ZNF821: variants seen among roughly 807,000 people sequenced by gnomAD.
The protein encoded by ZNF821 is zinc finger protein 821.
In ZNF821, 16 loss-of-function variants were observed where a neutral mutation model predicts 44.3. The observed-to-expected ratio is 0.36, with a 90% CI of 0.24 to 0.55. The LOEUF (loss-of-function observed/expected upper bound fraction) is 0.55, where lower values mean the gene tolerates loss of function less well. ZNF821 is among the 20% of genes least tolerant of loss of function. The probability of loss-of-function intolerance (pLI) is 0.86; values close to 1 mark genes in which losing one functional copy is unlikely to be tolerated. For missense variants in ZNF821, 436 were observed against 547.6 expected (o/e 0.80, Z 2.03); for synonymous variants, 204 against 197.6 (o/e 1.03, Z -0.27).
chr16:71,885,702 T>TA (rs2036825365), upstream of ZNF821, among the ~76,000 whole-genome samples: 3 of 152,242 alleles, frequency 2.0e-5, no homozygotes, highest in Non-Finnish European at 2.9e-5. Flanking sequence ...TGAGGGATCT[T>TA]GGTCCTTCAC....
upstream of ZNF821, among the ~76,000 whole-genome samples, chr16:71,889,391 C>T (rs1184640822): frequency 2.0e-5 from 3 of 151,850 alleles, no homozygotes; most frequent in African/African-American, 2.4e-5. Flanking sequence ...TGACAATAGC[C>T]GGGTGCGGTG....
intron 4 of ZNF821, among the ~76,000 whole-genome samples, chr16:71,867,248 C>T (rs1200387305): frequency 2.0e-5 from 3 of 152,130 alleles, no homozygotes; most frequent in African/African-American, 7.2e-5. Context: ...TACATAGATC[C>T]TAGGAGACAG....
chr16:71,888,249 A>G (rs1567453649), upstream of ZNF821, among the ~76,000 whole-genome samples: 4 of 152,164 alleles, frequency 2.6e-5, no homozygotes, highest in African/African-American at 9.7e-5. Context: ...GTCACGGCAC[A>G]TAGTGTCCTT....
chr16:71,889,677 A>G (rs1240752032), upstream of ZNF821, among the ~76,000 whole-genome samples: 1 of 152,116 alleles, frequency 6.6e-6, no homozygotes, highest in African/African-American at 2.4e-5. Context: ...CTGTCTCAAA[A>G]AACAAAACAA....
intron 4 of ZNF821, among the ~76,000 whole-genome samples, chr16:71,866,418 TTG>T (rs2034552543): frequency 6.6e-6 from 1 of 152,146 alleles, no homozygotes. Flanking sequence ...GAGCTATGGT[TTG>T]TGTGTCTTAT....
At chr16:71,882,030 G>C (rs1163157419) in intron 2 of ZNF821, 1 of 152,216 alleles carries the variant, frequency 6.6e-6, no homozygotes, top group African/African-American at 2.4e-5. Context: ...AGCACTTTGG[G>C]AGGCTGAGGC....
intron 1 of ZNF821, chr16:71,894,669 G>C: frequency 1.8e-6 from 1 of 551,032 alleles, no homozygotes; most frequent in Non-Finnish European, 3.2e-6. Context: ...GAGACCACAA[G>C]TGCTCACTGC....
rs1007629793 is a variant in ZNF821, at chr16:71,884,089, G to A, written c.-322C>T. 1 of 152,078 alleles carries A rather than the reference G, an allele frequency of 6.6e-6. No homozygotes were observed. The highest frequency in any genetic ancestry group is 2.4e-5 in the African/African-American group (1 of 41,398). 9.4% of individuals were successfully genotyped at this position (152,078 alleles called of 1,614,324 possible). ...CGAGCCGGTGGCGGGGAGCCGAGGGGCGGCGCTGCAGACGGACAAAGCCAA... is the reference window on the plus strand; with the variant it reads ...CGAGCCGGTGGCGGGGAGCCGAGGGACGGCGCTGCAGACGGACAAAGCCAA... On this transcript the variant is annotated 5_prime_UTR_variant, in exon 1 of 8. Coordinates refer to ENST00000425432, the MANE Select transcript of ZNF821 (RefSeq NM_001201552.2).
At chr16:71,885,633 C>T (rs1325765885), upstream of ZNF821, among the ~76,000 whole-genome samples, 3 of 152,158 alleles carry the variant, frequency 2.0e-5, no homozygotes, top group Non-Finnish European at 2.9e-5. Context: ...TCCCCTAAAT[C>T]TTTTATGAGA....
chr16:71,871,173 T>A (rs2035157133), intron 3 of ZNF821, among the ~76,000 whole-genome samples: 1 of 152,228 alleles, frequency 6.6e-6, no homozygotes, highest in Non-Finnish European at 1.5e-5. Context: ...ACAACTTGCC[T>A]ATCTAGGACT....
At chr16:71,872,635 C>A (rs558507990) in intron 3 of ZNF821, among the ~76,000 whole-genome samples, 9 of 152,086 alleles carry the variant, frequency 5.9e-5, no homozygotes, top group Middle Eastern at 3.2e-3. Flanking sequence ...AAAAAGAGAG[C>A]AGATATCCAG....
At chr16:71,879,482 G>T (rs2036200171) in intron 3 of ZNF821, among the ~76,000 whole-genome samples, 1 of 151,914 alleles carries the variant, frequency 6.6e-6, no homozygotes, top group African/African-American at 2.4e-5. Flanking sequence ...AGTACATACA[G>T]TCTGCAGCAT....
At chr16:71,864,342 G>A (rs547195396) in intron 5 of ZNF821, 100 bp from the exon 6 acceptor site, 8 of 918,054 alleles carry the variant, frequency 8.7e-6, no homozygotes, top group African/African-American at 3.3e-5. Context: ...AACCCAGACT[G>A]ATGGCGCATG....
At chr16:71,894,845 A>C (rs2036930711) in intron 1 of ZNF821, 2 of 1,534,180 alleles carry the variant, frequency 1.3e-6, no homozygotes, top group African/African-American at 2.7e-5. Context: ...ATGGTTTTCA[A>C]GTTAAAAACA....
chr16:71,883,832 C>G (rs1487508899), intron 1 of ZNF821, 76 bp downstream of exon 1: 1 of 152,622 alleles, frequency 6.6e-6, no homozygotes, highest in Non-Finnish European at 1.5e-5. Flanking sequence ...AAAGGACCAA[C>G]AGCCGGCGGC....
intron 6 of ZNF821, among the ~76,000 whole-genome samples, chr16:71,863,421 T>A (rs76454235): frequency 8.7e-4 from 126 of 144,490 alleles, no homozygotes; most frequent in Middle Eastern, 3.9e-3. Flanking sequence ...TTTTTTTTTT[T>A]AATACAGTCT....
At chr16:71,875,741 C>G (rs367789792) in intron 3 of ZNF821, among the ~76,000 whole-genome samples, 1 of 152,144 alleles carries the variant, frequency 6.6e-6, no homozygotes, top group Admixed American at 6.5e-5. Context: ...GGATTACAGG[C>G]GTGAGCCACC....
In ZNF821 at chr16:71,879,983, T is replaced by C. The variant is rs757084663; in HGVS notation, c.-37A>G. 4 of 1,607,332 alleles carry C rather than the reference T, an allele frequency of 2.5e-6. No individual in the cohort carries two copies. The highest frequency in any genetic ancestry group is 3.4e-6 in the Non-Finnish European group (4 of 1,175,658). On this transcript the variant is annotated 5_prime_UTR_variant, in exon 3 of 8. Coordinates refer to ENST00000425432, the MANE Select transcript of ZNF821 (RefSeq NM_001201552.2). ...GCAAGAGCTCTGGTCTTTCCCAGTT[T>C]CACGACTGGATATGTTACTACCTCC... is the stretch of plus-strand genomic sequence containing the variant.
At chr16:71,886,854 A>G (rs560061286), upstream of ZNF821, among the ~76,000 whole-genome samples, 1 of 152,218 alleles carries the variant, frequency 6.6e-6, no homozygotes, top group Non-Finnish European at 1.5e-5. Flanking sequence ...GCACCCACAA[A>G]TCTACTTTCT....
Sources: gnomAD v4.1 joint callset for allele counts (sites outside exome capture counted in the v4.1 genomes callset) on GRCh38, gnomAD v4.1.1 for gene constraint, MANE v1.5 for transcripts, NCBI Gene and HGNC (gene_info 2026-07-23, HGNC 2026-07-21) for gene names.